EPHA6: variants seen among roughly 807,000 people sequenced by gnomAD.
The protein encoded by EPHA6 is ephrin type-A receptor 6.
In EPHA6, 50 loss-of-function variants were observed where a neutral mutation model predicts 112.0. That is an observed-to-expected ratio of 0.45 (90% CI 0.36 to 0.56). The LOEUF is 0.56. EPHA6 is among the 20% of genes least tolerant of loss of function. EPHA6 has a pLI of 0.00. For synonymous variants in EPHA6, 529 were observed against 490.7 expected (o/e 1.08, Z -1.03); for missense variants, 1,280 against 1,417.4 (o/e 0.90, Z 1.56).
intron 12 of EPHA6, among the ~76,000 whole-genome samples, chr3:97,610,141 T>C (rs1041987849): frequency 6.6e-6 from 1 of 151,596 alleles, no homozygotes; most frequent in African/African-American, 2.4e-5. Flanking sequence ...GAGTTACTTA[T>C]TTTTCATGTA....
rs2107911669 is a variant in EPHA6 at position 97,748,928 on chromosome 3, T to A, written c.*227T>A. ...ACTAAAACCCTGGCCCACTGCAGAT[T>A]ATTGCTACGCAATGGTAAATAACTC... On this transcript the variant is annotated 3_prime_UTR_variant, in exon 18 of 18. Transcript: ENST00000389672. The A allele has an allele frequency of 1.9e-6, 1 of 516,032 alleles. No individual in the cohort carries two copies. The highest frequency in any genetic ancestry group is 3.5e-6 in the Non-Finnish European group (1 of 284,060). 32.0% of individuals were successfully genotyped at this position (516,032 alleles called of 1,614,324 possible).
intron 3 of EPHA6, among the ~76,000 whole-genome samples, chr3:97,069,835 A>G (rs1254416823): frequency 6.6e-6 from 1 of 152,184 alleles, no homozygotes; most frequent in Non-Finnish European, 1.5e-5. Flanking sequence ...ATTAAATATT[A>G]TAATTCAACA....
chr3:96,889,502 G>A (rs1316515659), intron 2 of EPHA6, among the ~76,000 whole-genome samples: 3 of 152,086 alleles, frequency 2.0e-5, no homozygotes, highest in Non-Finnish European at 1.5e-5. Context: ...AGAAATCAAA[G>A]CAGAAACCCC....
chr3:97,557,393 C>A (rs2093126459), intron 11 of EPHA6, among the ~76,000 whole-genome samples: 3 of 151,892 alleles, frequency 2.0e-5, no homozygotes, highest in Admixed American at 2.0e-4. Flanking sequence ...CCATTTTCAT[C>A]TCTTTTTCTG....
intron 2 of EPHA6, among the ~76,000 whole-genome samples, chr3:96,913,965 A>G (rs2107610145): frequency 6.6e-6 from 1 of 152,290 alleles, no homozygotes; most frequent in East Asian, 1.9e-4. Context: ...TCAAAAAATA[A>G]TGTCTATATT....
At chr3:97,376,221 A>C (rs2085342782) in intron 5 of EPHA6, among the ~76,000 whole-genome samples, 1 of 152,186 alleles carries the variant, frequency 6.6e-6, no homozygotes, top group Non-Finnish European at 1.5e-5. Flanking sequence ...AATTCACCCT[A>C]ATAGTAGAGA....
intron 10 of EPHA6, among the ~76,000 whole-genome samples, chr3:97,510,950 C>T (rs568366803): frequency 4.4e-4 from 67 of 152,344 alleles, no homozygotes; most frequent in African/African-American, 1.4e-3. Flanking sequence ...TGGTGGGCTC[C>T]GCCCAGTTTA....
At chr3:97,744,040 G>T (rs1212270996) in intron 16 of EPHA6, among the ~76,000 whole-genome samples, 1 of 151,770 alleles carries the variant, frequency 6.6e-6, no homozygotes. Flanking sequence ...ATATTTTATT[G>T]TATTGAAATT....
chr3:96,940,348 T>C (rs2040864452), intron 2 of EPHA6, among the ~76,000 whole-genome samples: 1 of 152,234 alleles, frequency 6.6e-6, no homozygotes, highest in Non-Finnish European at 1.5e-5. Context: ...TTTACCATTA[T>C]GTAATGGCCT....
chr3:97,460,536 A>C (rs770214151), intron 7 of EPHA6, among the ~76,000 whole-genome samples: 17 of 152,218 alleles, frequency 1.1e-4, no homozygotes, highest in Non-Finnish European at 2.5e-4. Context: ...TTATATGCAG[A>C]GATGTGGTGT....
chr3:97,756,351 A>G lies in EPHA6; in HGVS notation c.*7650A>G, dbSNP rs1413073794. Among the ~76,000 whole-genome samples, 2 of 151,952 alleles carry G rather than the reference A, an allele frequency of 1.3e-5. No homozygotes were observed. The highest frequency in any genetic ancestry group is 4.8e-5 in the African/African-American group (2 of 41,438). On this transcript the variant is annotated 3_prime_UTR_variant, in exon 18 of 18. Transcript: ENST00000389672. ...TTCTGTCAATGTGATTGATATGCTC[A>G]TTGTTAAATTTAACTTGTTTAAATA...
rs149790718 is a variant in EPHA6 at position 97,342,694 on chromosome 3, CCT to C, written c.1607-62439_1607-62438del. Among the ~76,000 whole-genome samples, 377 of 149,172 alleles carry C rather than the reference CCT, an allele frequency of 2.5e-3. 3 individuals carry two copies. Among genetic ancestry groups the C allele is most frequent in the African/African-American group, 8.2e-3 (335 of 40,946 alleles). On this transcript the variant is annotated intron_variant, in intron 5 of 17. Coordinates refer to ENST00000389672, the MANE Select transcript of EPHA6 (RefSeq NM_001080448.3). The stretch of plus-strand genomic sequence containing the variant: ...GATATAAGAAAGTTTGTCTCCTTGC[CCT>C]CTCTCTCTCTCTCTCTTTCTCTCTC...
intron 5 of EPHA6, among the ~76,000 whole-genome samples, chr3:97,247,787 C>G (rs952428170): frequency 2.0e-4 from 31 of 151,788 alleles, no homozygotes; most frequent in African/African-American, 7.0e-4. Flanking sequence ...GGAATTTTTC[C>G]AGGGCCACAA....
At chr3:97,070,878 A>G (rs2046328986) in intron 3 of EPHA6, among the ~76,000 whole-genome samples, 1 of 152,096 alleles carries the variant, frequency 6.6e-6, no homozygotes. Flanking sequence ...TTTCTATCAA[A>G]TTTTAGAATT....
Position 96,917,418 on chromosome 3 carries a change from C to CAAAAAA in EPHA6, c.450+50545_450+50550dup, listed in dbSNP as rs5851049. Among the ~76,000 whole-genome samples, 179 of 58,056 alleles carry CAAAAAA rather than the reference C, an allele frequency of 3.1e-3. 3 individuals carry two copies. The highest frequency in any genetic ancestry group is 0.01 in the African/African-American group (168 of 16,336). 38.1% of individuals were successfully genotyped at this position (58,056 alleles called of 152,430 possible). A position where few individuals can be genotyped will look rare whatever the true frequency, so the allele number is the denominator to read the frequency against. On this transcript the variant is annotated intron_variant, in intron 2 of 17. Transcript: ENST00000389672. ...TGGGTGATGGAGTAAGACTCCATCT[C>CAAAAAA]AAAAAAAAAAAAAAAAAAAAAGAAT...
chr3:97,065,159 A>G (rs2046138887), intron 3 of EPHA6, among the ~76,000 whole-genome samples: 1 of 152,166 alleles, frequency 6.6e-6, no homozygotes, highest in Non-Finnish European at 1.5e-5. Flanking sequence ...AGATGCAAAC[A>G]ATGCACGAGG....
At chr3:96,983,470 C>A (rs1311690962) in intron 2 of EPHA6, among the ~76,000 whole-genome samples, 1 of 152,198 alleles carries the variant, frequency 6.6e-6, no homozygotes, top group Non-Finnish European at 1.5e-5. Context: ...ACCTTTCTCT[C>A]TGGCTGCCCT....
chr3:97,011,010 G>T (rs928791509), intron 3 of EPHA6, among the ~76,000 whole-genome samples: 1 of 152,110 alleles, frequency 6.6e-6, no homozygotes, highest in Non-Finnish European at 1.5e-5. Flanking sequence ...ATAAAGGAGT[G>T]TTAGTCAAGT....
intron 5 of EPHA6, among the ~76,000 whole-genome samples, chr3:97,373,831 T>G (rs944600612): frequency 1.2e-4 from 19 of 152,146 alleles, no homozygotes; most frequent in Non-Finnish European, 1.2e-4. Context: ...AATATAAATT[T>G]TTTCCCTTCA....
Sources: gnomAD v4.1 joint callset for allele counts (sites outside exome capture counted in the v4.1 genomes callset) on GRCh38, gnomAD v4.1.1 for gene constraint, MANE v1.5 for transcripts, NCBI Gene and HGNC (gene_info 2026-07-23, HGNC 2026-07-21) for gene names.